RRAS2: variants seen among roughly 807,000 people sequenced by gnomAD.
RRAS2 encodes ras-related protein R-Ras2.
In RRAS2, 7 loss-of-function variants were observed where a neutral mutation model predicts 27.6. That is an observed-to-expected ratio of 0.25 (90% CI 0.14 to 0.48). The LOEUF is 0.48. Ranked by LOEUF, RRAS2 falls within the 20% of genes least tolerant of loss-of-function variation. RRAS2 has a pLI of 0.99. For synonymous variants in RRAS2, 86 were observed against 90.9 expected (o/e 0.95, Z 0.31); for missense variants, 178 against 256.2 (o/e 0.69, Z 2.08).
At chr11:14,287,720 A>G (rs538754819) in intron 4 of RRAS2, among the ~76,000 whole-genome samples, 1 of 152,048 alleles carries the variant, frequency 6.6e-6, no homozygotes, top group African/African-American at 2.4e-5. Flanking sequence ...AAAAATACAA[A>G]AAGTAGCCGG....
upstream of RRAS2, among the ~76,000 whole-genome samples, chr11:14,361,180 C>T (rs1374396821): frequency 1.3e-5 from 2 of 152,148 alleles, no homozygotes; most frequent in Admixed American, 6.5e-5. Context: ...CCAGCCACTC[C>T]GGAGGCTGAG....
chr11:14,363,299 G>C (rs1320875337), upstream of RRAS2, among the ~76,000 whole-genome samples: 3 of 152,142 alleles, frequency 2.0e-5, no homozygotes, highest in African/African-American at 7.2e-5. Context: ...TGTTCTCCAC[G>C]AAGGATGTGC....
chr11:14,305,151 T>A (rs142574362), intron 1 of RRAS2, among the ~76,000 whole-genome samples: 3 of 152,150 alleles, frequency 2.0e-5, no homozygotes, highest in African/African-American at 7.2e-5. Context: ...TTGCCTTCCA[T>A]ACATTTTCAG....
intron 1 of RRAS2, among the ~76,000 whole-genome samples, chr11:14,323,269 A>G (rs1294995088): frequency 5.3e-5 from 8 of 152,146 alleles, no homozygotes; most frequent in African/African-American, 1.9e-4. Flanking sequence ...CAACATAGTG[A>G]GACTTCATCT....
At chr11:14,341,161 G>A (rs560490170) in intron 1 of RRAS2, among the ~76,000 whole-genome samples, 52 of 152,066 alleles carry the variant, frequency 3.4e-4, no homozygotes, top group African/African-American at 1.2e-3. Context: ...AAATCTTCTC[G>A]GTCCAAAAGT....
At chr11:14,320,853 T>C (rs1848206257) in intron 1 of RRAS2, among the ~76,000 whole-genome samples, 1 of 152,202 alleles carries the variant, frequency 6.6e-6, no homozygotes, top group South Asian at 2.1e-4. Flanking sequence ...AAAATGTTAA[T>C]TTTTATAGTA....
chr11:14,343,061 G>C (rs1263444696), intron 1 of RRAS2, among the ~76,000 whole-genome samples: 1 of 152,156 alleles, frequency 6.6e-6, no homozygotes, highest in East Asian at 1.9e-4. Flanking sequence ...AAGACAGCTG[G>C]AACAAAGCTG....
At chr11:14,293,125 ATATATATAT>A (rs1564957315) in intron 4 of RRAS2, among the ~76,000 whole-genome samples, 2 of 7,210 alleles carry the variant, frequency 2.8e-4, no homozygotes, top group Non-Finnish European at 7.6e-4. Context: ...AACAAAACAA[ATATATATAT>A]ATATATATAT....
At chr11:14,295,972 A>C (rs1380206796) in intron 1 of RRAS2, 117 bp from the exon 2 acceptor site, 2 of 838,542 alleles carry the variant, frequency 2.4e-6, no homozygotes, top group Non-Finnish European at 3.7e-6. Flanking sequence ...CAGGAGTTTG[A>C]GACCAGCCTG....
intron 1 of RRAS2, among the ~76,000 whole-genome samples, chr11:14,334,531 TACAC>T (rs145228825): frequency 1.8e-3 from 265 of 143,832 alleles, no homozygotes; most frequent in African/African-American, 6.1e-3. Flanking sequence ...CATCCATACA[TACAC>T]ACACACACAC....
intron 1 of RRAS2, among the ~76,000 whole-genome samples, chr11:14,350,580 A>T (rs1848928263): frequency 6.6e-6 from 1 of 152,116 alleles, no homozygotes; most frequent in Admixed American, 6.5e-5. Context: ...TAAATTACCC[A>T]GCCTCAGGTA....
chr11:14,338,782 C>T (rs1335599236), intron 1 of RRAS2, among the ~76,000 whole-genome samples: 1 of 151,846 alleles, frequency 6.6e-6, no homozygotes, highest in Non-Finnish European at 1.5e-5. Flanking sequence ...GATACAGATA[C>T]TACAAAACAG....
At chr11:14,329,838 GGTGAGACAGTCACCTGAGCCCAGGAATT>G (rs1199955838) in intron 1 of RRAS2, among the ~76,000 whole-genome samples, 9 of 152,222 alleles carry the variant, frequency 5.9e-5, no homozygotes, top group Admixed American at 5.2e-4. Context: ...AGGAGGCCAA[GGTGAGACAGTCACCTGAGCCCAGGAATT>G]TGAGGTCAGC....
intron 1 of RRAS2, among the ~76,000 whole-genome samples, chr11:14,308,857 TACA>T (rs1847891190): frequency 6.6e-6 from 1 of 152,208 alleles, no homozygotes; most frequent in Admixed American, 6.5e-5. Flanking sequence ...CAGTCAGACC[TACA>T]TACCCCGCTT....
intron 1 of RRAS2, among the ~76,000 whole-genome samples, chr11:14,336,037 C>T (rs1848582722): frequency 6.6e-6 from 1 of 152,188 alleles, no homozygotes; most frequent in African/African-American, 2.4e-5. Context: ...CACCCCAACA[C>T]CCCACTGCAG....
chr11:14,291,704 A>G (rs1196511599), intron 4 of RRAS2, among the ~76,000 whole-genome samples: 1 of 152,034 alleles, frequency 6.6e-6, no homozygotes, highest in African/African-American at 2.4e-5. Context: ...AAAAACTTCC[A>G]CGAAAAAAAT....
chr11:14,362,406 C>T (rs565297325), upstream of RRAS2, among the ~76,000 whole-genome samples: 2 of 152,188 alleles, frequency 1.3e-5, no homozygotes, highest in African/African-American at 2.4e-5. Context: ...TGCTCAACCC[C>T]GCCCAGACTT....
At chr11:14,295,890 A>G (rs1473513373) in intron 1 of RRAS2, 35 bp from the exon 2 acceptor site, 3 of 1,583,120 alleles carry the variant, frequency 1.9e-6, no homozygotes, top group East Asian at 2.2e-5. Flanking sequence ...TTTAAAATTC[A>G]TGGCCAGGCA....
intron 1 of RRAS2, among the ~76,000 whole-genome samples, chr11:14,307,777 G>T (rs2133979452): frequency 6.6e-6 from 1 of 152,074 alleles, no homozygotes; most frequent in South Asian, 2.1e-4. Flanking sequence ...CTGCCAAATA[G>T]AAAAGTAAAG....
Sources: allele counts gnomAD v4.1 joint callset (sites outside exome capture counted in the v4.1 genomes callset), GRCh38; gene constraint gnomAD v4.1.1; transcripts MANE v1.5; gene names NCBI Gene and HGNC (gene_info 2026-07-23, HGNC 2026-07-21).